The following PTPRT variants were observed in gnomAD, a reference collection of about 807,000 sequenced individuals.
PTPRT encodes the protein receptor-type tyrosine-protein phosphatase T.
In PTPRT, 56 loss-of-function variants were observed where a neutral mutation model predicts 176.8. The ratio of observed to expected loss-of-function variants is 0.32; its 90% CI spans 0.26 to 0.40. PTPRT has a LOEUF of 0.40. Ranked by LOEUF, PTPRT falls within the 10% of genes least tolerant of loss-of-function variation. The probability of loss-of-function intolerance (pLI) is 1.00; values close to 1 mark genes in which losing one functional copy is unlikely to be tolerated. For synonymous variants in PTPRT, 783 were observed against 739.0 expected, an observed-to-expected ratio of 1.06 and a Z score of -0.96; for missense variants, 1,540 against 1,908.2, an observed-to-expected ratio of 0.81 and a Z score of 3.60.
At chr20:42,064,971 C>A in the PTPRT span, among the ~76,000 whole-genome samples, 30 of 152,288 alleles carry the variant, frequency 2.0e-4, no homozygotes, top group African/African-American at 7.0e-4. Context: ...TGTAATTAGT[C>A]TGACTACTCT....
At position 43,121,467 on chromosome 20, in the gene PTPRT, C is replaced by T. The variant is rs994648479; in HGVS notation, c.88+68179G>A. On this transcript the variant is annotated intron_variant, in intron 1 of 30. Coordinates refer to ENST00000373187, the MANE Select transcript of PTPRT (RefSeq NM_007050.6). The stretch of plus-strand genomic sequence containing the variant: ...ATGTATGAGAGTTTCAGTTGCTCCA[C>T]ATCCTTACCAACACAGGCATTTTGT... Among the ~76,000 whole-genome samples, 10 of 152,158 alleles carry T rather than the reference C, an allele frequency of 6.6e-5. No individual in the cohort carries two copies. The East Asian group carries it at 1.9e-3, about 29-fold the overall frequency.
chr20:42,483,353 G>T (rs1224894371), intron 7 of PTPRT, among the ~76,000 whole-genome samples: 2 of 152,124 alleles, frequency 1.3e-5, no homozygotes, highest in Non-Finnish European at 2.9e-5. Flanking sequence ...TAGTAGAGAT[G>T]GGGTTTCACC....
At chr20:42,365,474 C>T (rs770452893) in intron 9 of PTPRT, among the ~76,000 whole-genome samples, 1 of 151,850 alleles carries the variant, frequency 6.6e-6, no homozygotes, top group Non-Finnish European at 1.5e-5. Context: ...TTTTTCCCCA[C>T]CCTACCCCCA....
intron 7 of PTPRT, among the ~76,000 whole-genome samples, chr20:42,479,361 G>A (rs2071342771): frequency 1.3e-5 from 2 of 152,234 alleles, no homozygotes; most frequent in South Asian, 4.1e-4. Context: ...TGCAATTTGA[G>A]TTCTTTTCAA....
chr20:42,494,529 G>T (rs886754628), intron 7 of PTPRT, among the ~76,000 whole-genome samples: 1 of 151,996 alleles, frequency 6.6e-6, no homozygotes, highest in Non-Finnish European at 1.5e-5. Flanking sequence ...CATCAAAGAG[G>T]CATTCCATGA....
intron 7 of PTPRT, among the ~76,000 whole-genome samples, chr20:42,530,765 C>T (rs111835279): frequency 5.3e-5 from 8 of 152,328 alleles, no homozygotes; most frequent in African/African-American, 1.7e-4. Context: ...GAGATTCAGG[C>T]ATCCAGCTTT....
chr20:43,187,648 C>T (rs2015428156), intron 1 of PTPRT, among the ~76,000 whole-genome samples: 1 of 152,102 alleles, frequency 6.6e-6, no homozygotes. Flanking sequence ...CACCCACTTG[C>T]TAAATATATG....
At chr20:42,773,346 G>C (rs1480230419) in intron 4 of PTPRT, among the ~76,000 whole-genome samples, 8 of 152,190 alleles carry the variant, frequency 5.3e-5, no homozygotes, top group Non-Finnish European at 1.0e-4. Context: ...GCCTGGCACA[G>C]TGAAGAGTTC....
At chr20:42,827,313 C>A (rs1223500247) in intron 2 of PTPRT, among the ~76,000 whole-genome samples, 1 of 152,126 alleles carries the variant, frequency 6.6e-6, no homozygotes, top group Non-Finnish European at 1.5e-5. Flanking sequence ...ATAAAACAAT[C>A]CTCAGAAAAT....
intron 1 of PTPRT, among the ~76,000 whole-genome samples, chr20:43,081,892 T>C (rs1287765939): frequency 6.6e-6 from 1 of 152,230 alleles, no homozygotes; most frequent in Non-Finnish European, 1.5e-5. Context: ...TATTTACCAC[T>C]ATAATTCCTC....
chr20:42,748,716 G>A (rs938871132), intron 6 of PTPRT, among the ~76,000 whole-genome samples: 1 of 152,086 alleles, frequency 6.6e-6, no homozygotes, highest in African/African-American at 2.4e-5. Context: ...GGGGAGCGGG[G>A]GGTTACATCC....
chr20:42,329,018 C>A (rs930847126), intron 11 of PTPRT, among the ~76,000 whole-genome samples: 1 of 151,904 alleles, frequency 6.6e-6, no homozygotes, highest in South Asian at 2.1e-4. Flanking sequence ...CCAGCAAAAA[C>A]CAGTTAGCAA....
chr20:42,328,364 A>G (rs1340047749), intron 11 of PTPRT, among the ~76,000 whole-genome samples: 1 of 152,176 alleles, frequency 6.6e-6, no homozygotes, highest in African/African-American at 2.4e-5. Flanking sequence ...GATAATTCCC[A>G]TGTCATAGAA....
chr20:42,632,235 G>A (rs2074423425), intron 7 of PTPRT, among the ~76,000 whole-genome samples: 4 of 152,058 alleles, frequency 2.6e-5, no homozygotes. Flanking sequence ...TGTTGTTGTT[G>A]TTGTTTTGTT....
At chr20:43,040,866 T>C (rs3091548) in intron 1 of PTPRT, among the ~76,000 whole-genome samples, 48,246 of 152,152 alleles carry the variant, frequency 0.32, 10,600 homozygotes, top group African/African-American at 0.62. Context: ...TGCTTCCTGC[T>C]TCCACTCCAT....
intron 12 of PTPRT, among the ~76,000 whole-genome samples, chr20:42,307,115 A>G (rs1263150988): frequency 6.6e-6 from 1 of 152,174 alleles, no homozygotes; most frequent in Non-Finnish European, 1.5e-5. Flanking sequence ...TCATTGGGGA[A>G]GTTCTCAAAT....
At chr20:42,893,267 T>C (rs1212258349) in intron 1 of PTPRT, among the ~76,000 whole-genome samples, 3 of 152,126 alleles carry the variant, frequency 2.0e-5, no homozygotes, top group East Asian at 3.9e-4. Flanking sequence ...AAAATGCTCA[T>C]CATCACTGGC....
intron 18 of PTPRT, among the ~76,000 whole-genome samples, chr20:42,141,647 A>G (rs1988636165): frequency 6.6e-6 from 1 of 152,108 alleles, no homozygotes; most frequent in African/African-American, 2.4e-5. Flanking sequence ...CCCAGCCTTC[A>G]GAGGTTCTTC....
At chr20:42,185,703 T>C (rs144084078) in intron 16 of PTPRT, among the ~76,000 whole-genome samples, 90 of 152,318 alleles carry the variant, frequency 5.9e-4, no homozygotes, top group African/African-American at 2.1e-3. Flanking sequence ...TAGTTTTCTC[T>C]GAGTATATAG....
Sources: allele counts gnomAD v4.1 joint callset (sites outside exome capture counted in the v4.1 genomes callset), GRCh38; gene constraint gnomAD v4.1.1; transcripts MANE v1.5; gene names NCBI Gene and HGNC (gene_info 2026-07-23, HGNC 2026-07-21).